GFRA1: variants seen among roughly 807,000 people sequenced by gnomAD.
GFRA1 encodes GDNF family receptor alpha 1, also known as GDNF family receptor alpha-1.
In GFRA1, 16 loss-of-function variants were observed where a neutral mutation model predicts 51.6. That is an observed-to-expected ratio of 0.31 (90% CI 0.21 to 0.47). The LOEUF is 0.47. Ranked by LOEUF, GFRA1 falls within the 20% of genes least tolerant of loss-of-function variation. The pLI is 1.00. For missense variants in GFRA1, 530 were observed against 594.3 expected (o/e 0.89, Z 1.13); for synonymous variants, 270 against 241.3 (o/e 1.12, Z -1.10).
chr10:116,074,162 C>T (rs561607756), intron 9 of GFRA1, among the ~76,000 whole-genome samples: 14 of 152,236 alleles, frequency 9.2e-5, no homozygotes, highest in African/African-American at 3.1e-4. Flanking sequence ...GCTCCCCTTT[C>T]GTATGGGTCA....
intron 2 of GFRA1, 81 bp from the exon 3 acceptor site, chr10:116,271,196 G>A: frequency 7.9e-7 from 1 of 1,273,016 alleles, no homozygotes. Context: ...GCGCGCGCCC[G>A]GGTCAGGGAT....
At chr10:116,097,890 G>A (rs575304820) in intron 6 of GFRA1, among the ~76,000 whole-genome samples, 20 of 152,306 alleles carry the variant, frequency 1.3e-4, no homozygotes, top group African/African-American at 4.3e-4. Context: ...GAACCAAGAC[G>A]GATAGGATGT....
At chr10:116,179,059 C>T (rs1961948676) in intron 5 of GFRA1, among the ~76,000 whole-genome samples, 1 of 152,202 alleles carries the variant, frequency 6.6e-6, no homozygotes, top group African/African-American at 2.4e-5. Flanking sequence ...GGAAGTTACA[C>T]AGCAGAAGCA....
At chr10:116,183,688 T>C (rs1962441393) in intron 5 of GFRA1, among the ~76,000 whole-genome samples, 1 of 152,140 alleles carries the variant, frequency 6.6e-6, no homozygotes, top group South Asian at 2.1e-4. Context: ...TTCTCTCTTC[T>C]TTTGCTTCCT....
intron 5 of GFRA1, among the ~76,000 whole-genome samples, chr10:116,195,589 G>A (rs1963664806): frequency 6.6e-6 from 1 of 152,200 alleles, no homozygotes; most frequent in Non-Finnish European, 1.5e-5. Flanking sequence ...TGAAGCTCTG[G>A]CGGTAATGCT....
At chr10:116,092,060 G>C (rs1007915757) in intron 8 of GFRA1, among the ~76,000 whole-genome samples, 1 of 148,324 alleles carries the variant, frequency 6.7e-6, no homozygotes, top group Admixed American at 6.7e-5. Flanking sequence ...CATTCTGCCA[G>C]ATGGATGTGA....
At chr10:116,219,699 A>T (rs1965794950) in intron 4 of GFRA1, among the ~76,000 whole-genome samples, 1 of 152,212 alleles carries the variant, frequency 6.6e-6, no homozygotes, top group African/African-American at 2.4e-5. Context: ...ATTAATTAGG[A>T]GTCACAAAAA....
At chr10:116,262,903 G>A (rs1969397281) in intron 4 of GFRA1, among the ~76,000 whole-genome samples, 2 of 152,186 alleles carry the variant, frequency 1.3e-5, no homozygotes, top group Admixed American at 1.3e-4. Flanking sequence ...GCCAAGCTTG[G>A]AAGGGAAGGC....
chr10:116,224,737 G>A (rs1487139661), intron 4 of GFRA1, among the ~76,000 whole-genome samples: 1 of 152,160 alleles, frequency 6.6e-6, no homozygotes, highest in Non-Finnish European at 1.5e-5. Context: ...AGGAGGTAAT[G>A]AAAACACTCC....
chr10:116,136,444 A>T (rs1958328260), intron 5 of GFRA1, among the ~76,000 whole-genome samples: 1 of 152,238 alleles, frequency 6.6e-6, no homozygotes, highest in Admixed American at 6.5e-5. Flanking sequence ...AGAAAACAAC[A>T]AATGTGAGCC....
At chr10:116,124,729 C>T (rs1434725029) in intron 6 of GFRA1, among the ~76,000 whole-genome samples, 1 of 152,120 alleles carries the variant, frequency 6.6e-6, no homozygotes, top group Non-Finnish European at 1.5e-5. Flanking sequence ...CAGAACAGTC[C>T]AGAACAGACC....
intron 5 of GFRA1, among the ~76,000 whole-genome samples, chr10:116,162,188 T>C (rs779617758): frequency 6.6e-6 from 1 of 152,206 alleles, no homozygotes; most frequent in Non-Finnish European, 1.5e-5. Flanking sequence ...CCAGCAGTAG[T>C]TGGACCTGGA....
intron 5 of GFRA1, among the ~76,000 whole-genome samples, chr10:116,171,096 A>T (rs909559557): frequency 1.3e-5 from 2 of 152,220 alleles, no homozygotes; most frequent in African/African-American, 4.8e-5. Context: ...TAGACACACA[A>T]TGAATCACAG....
intron 4 of GFRA1, among the ~76,000 whole-genome samples, chr10:116,221,032 G>A (rs1321040445): frequency 6.6e-6 from 1 of 152,080 alleles, no homozygotes; most frequent in Non-Finnish European, 1.5e-5. Flanking sequence ...AAAGCCCAGG[G>A]CAGAATATTA....
At chr10:116,150,274 G>C (rs573640584) in intron 5 of GFRA1, among the ~76,000 whole-genome samples, 16 of 152,096 alleles carry the variant, frequency 1.1e-4, no homozygotes, top group Non-Finnish European at 2.4e-4. Context: ...CTTCCACTTT[G>C]ATAACCGAGC....
At chr10:116,087,877 C>T (rs575628762) in intron 9 of GFRA1, among the ~76,000 whole-genome samples, 2 of 152,306 alleles carry the variant, frequency 1.3e-5, no homozygotes, top group Non-Finnish European at 2.9e-5. Flanking sequence ...AACTCGGCCT[C>T]GCTGCAGGAT....
chr10:116,192,783 T>C (rs2694753), intron 5 of GFRA1, among the ~76,000 whole-genome samples: 138,491 of 152,206 alleles, frequency 0.91, 63,250 homozygotes, highest in East Asian at 1. Context: ...GCCAGTCCTG[T>C]AAGCAGTTAT....
At chr10:116,082,456 C>G (rs1218529821) in intron 9 of GFRA1, among the ~76,000 whole-genome samples, 3 of 147,312 alleles carry the variant, frequency 2.0e-5, no homozygotes, top group African/African-American at 7.9e-5. Flanking sequence ...CAGCTCAAAC[C>G]GCCCCTTGCT....
intron 5 of GFRA1, among the ~76,000 whole-genome samples, chr10:116,185,704 C>T (rs1962641270): frequency 6.6e-6 from 1 of 152,210 alleles, no homozygotes; most frequent in African/African-American, 2.4e-5. Context: ...CTCCCCCTCC[C>T]TGTCCTGCTC....
Sources: allele counts gnomAD v4.1 joint callset (sites outside exome capture counted in the v4.1 genomes callset), GRCh38; gene constraint gnomAD v4.1.1; transcripts MANE v1.5; gene names NCBI Gene and HGNC (gene_info 2026-07-23, HGNC 2026-07-21).